ARHGEF3: variants seen among roughly 807,000 people sequenced by gnomAD.
ARHGEF3 encodes 59.8 kDA protein.
A neutral mutation model predicts 63.2 loss-of-function variants in ARHGEF3; 28 were observed. That is an observed-to-expected ratio of 0.44 (90% CI 0.33 to 0.61). The LOEUF is 0.61. Among genes scored for constraint, ARHGEF3 ranks in the 20% least tolerant of loss-of-function variants. The pLI is 0.03. For missense variants in ARHGEF3, 533 were observed against 659.3 expected (o/e 0.81, Z 2.10); for synonymous variants, 266 against 254.2 (o/e 1.05, Z -0.44).
rs1377763521 is a variant in ARHGEF3, at chr3:56,967,403, TATATTATATATTATAC to T, written c.63-8530_63-8515del. ...ATTATACATATTATATATTATATAA[TATATTATATATTATAC>T]ATATTATATATTATATAATATATTA... is the stretch of plus-strand genomic sequence containing the variant. On this transcript the variant is annotated intron_variant, in intron 2 of 12. Coordinates refer to the ARHGEF3 transcript ENST00000338458. 4.9e-4 allele frequency among the ~76,000 whole-genome samples: 40 copies of T among 81,776 alleles called. 4 individuals carry two copies. Among genetic ancestry groups the T allele is most frequent in the Non-Finnish European group, 7.4e-4 (34 of 46,094 alleles). The allele number at this position is 81,776 out of a possible 152,430, so 53.6% of individuals were successfully genotyped here.
rs988286885 is a variant in ARHGEF3, at chr3:56,739,398, T to C, written c.871-2043A>G. ...AGGATTGTTAAGTAATTATTTTCCT[T>C]TTTTTTTTTTTTTTTCAGTTGAGAC... On this transcript the variant is annotated intron_variant, in intron 7 of 9. Coordinates refer to ENST00000296315, the MANE Select transcript of ARHGEF3 (RefSeq NM_019555.3). Among the ~76,000 whole-genome samples the C allele has an allele frequency of 3.7e-3, 102 of 27,412 alleles. 3 individuals carry two copies. The East Asian group carries it at 0.065, about 18-fold the overall frequency. The allele number at this position is 27,412 out of a possible 152,430, so 18.0% of individuals were successfully genotyped here.
chr3:56,853,816 A>C (rs1357322100), intron 4 of ARHGEF3, among the ~76,000 whole-genome samples: 1 of 152,192 alleles, frequency 6.6e-6, no homozygotes, highest in Non-Finnish European at 1.5e-5. Flanking sequence ...CTTACACGCC[A>C]AGTAAGAACA....
intron 3 of ARHGEF3, among the ~76,000 whole-genome samples, chr3:56,888,055 G>GA (rs147914109): frequency 0.044 from 6,612 of 149,566 alleles, 487 homozygotes; most frequent in African/African-American, 0.15. Flanking sequence ...TCTCCTTGGA[G>GA]AAAAAACCTG....
chr3:56,729,946 G>A lies in ARHGEF3; in HGVS notation c.1229-324C>T, dbSNP rs187789491. 5.6e-3 allele frequency among the ~76,000 whole-genome samples: 858 copies of A among 152,302 alleles called. 4 individuals are homozygous for A. The highest frequency in any genetic ancestry group is 0.017 in the Middle Eastern group (5 of 294). ...TCTGGCTGCATAACAAAATCCCTTG[G>A]GGTGAGAGCTTGTTAAAAAGACAGA... is the stretch of plus-strand genomic sequence containing the variant. On this transcript the variant is annotated intron_variant, in intron 9 of 9. Coordinates refer to ENST00000296315, the MANE Select transcript of ARHGEF3 (RefSeq NM_019555.3).
chr3:56,972,046 T>C (rs1469919863), intron 2 of ARHGEF3, among the ~76,000 whole-genome samples: 1 of 152,016 alleles, frequency 6.6e-6, no homozygotes. Context: ...ATCTATTTCC[T>C]TATTTCAAGT....
intron 2 of ARHGEF3, among the ~76,000 whole-genome samples, chr3:57,031,737 AG>A (rs1703743780): frequency 6.6e-6 from 1 of 151,826 alleles, no homozygotes; most frequent in South Asian, 2.1e-4. Context: ...TGGGAGGCTG[AG>A]GTGGATGGAT....
chr3:57,040,126 T>C (rs1282587443), intron 1 of ARHGEF3, among the ~76,000 whole-genome samples: 11 of 152,172 alleles, frequency 7.2e-5, no homozygotes, highest in Admixed American at 7.2e-4. Context: ...CAGAAAACAA[T>C]GCTGAGCTAA....
intron 1 of ARHGEF3, among the ~76,000 whole-genome samples, chr3:57,053,051 A>G (rs1053827159): frequency 1.3e-5 from 2 of 152,096 alleles, no homozygotes; most frequent in African/African-American, 2.4e-5. Context: ...CCTACCCACC[A>G]CCACCATTTA....
At chr3:57,057,658 A>G (rs1177710896) in intron 1 of ARHGEF3, among the ~76,000 whole-genome samples, 2 of 152,186 alleles carry the variant, frequency 1.3e-5, no homozygotes. Context: ...AAGTTTAAAT[A>G]CAAACGGAGA....
chr3:57,055,668 A>G (rs17057663), intron 1 of ARHGEF3, among the ~76,000 whole-genome samples: 8,234 of 152,226 alleles, frequency 0.054, 743 homozygotes, highest in African/African-American at 0.19. Flanking sequence ...CTATGACCAC[A>G]AACCAGGCAC....
intron 4 of ARHGEF3, among the ~76,000 whole-genome samples, chr3:56,857,257 C>T (rs1185695283): frequency 1.3e-5 from 2 of 152,202 alleles, no homozygotes; most frequent in African/African-American, 4.8e-5. Context: ...ATTTCCCTTT[C>T]TCCCTCTTTA....
chr3:56,845,416 C>G (rs2039455835), intron 4 of ARHGEF3, among the ~76,000 whole-genome samples: 1 of 152,038 alleles, frequency 6.6e-6, no homozygotes, highest in African/African-American at 2.4e-5. Flanking sequence ...TCATATACAG[C>G]CTGGTCTCAC....
intron 3 of ARHGEF3, among the ~76,000 whole-genome samples, chr3:56,931,573 CTCAAA>C (rs1560060736): frequency 5.7e-5 from 2 of 34,952 alleles, no homozygotes; most frequent in African/African-American, 2.6e-4. Context: ...GAGATCCTGT[CTCAAA>C]AAAAAAAAAA....
chr3:56,763,744 T>G (rs1447696128), intron 2 of ARHGEF3, among the ~76,000 whole-genome samples: 2 of 152,068 alleles, frequency 1.3e-5, no homozygotes, highest in African/African-American at 2.4e-5. Flanking sequence ...TGATTTTATT[T>G]TATTTTTTTT....
intron 2 of ARHGEF3, among the ~76,000 whole-genome samples, chr3:57,017,099 C>T (rs1266186706): frequency 6.6e-6 from 1 of 151,684 alleles, no homozygotes; most frequent in Non-Finnish European, 1.5e-5. Context: ...CACACAATGT[C>T]ACCACTAAAG....
intron 2 of ARHGEF3, among the ~76,000 whole-genome samples, chr3:57,010,455 C>CAAAAAA (rs35833729): frequency 2.0e-5 from 1 of 50,980 alleles, no homozygotes; most frequent in African/African-American, 6.8e-5. Flanking sequence ...GACTCCATCT[C>CAAAAAA]AAAAAAAAAA....
chr3:56,916,348 C>A, intron 3 of ARHGEF3: 1 of 1,535,396 alleles, frequency 6.5e-7, no homozygotes, highest in East Asian at 2.4e-5. Context: ...CCATGGGGCG[C>A]TCTGACCTCA....
intron 2 of ARHGEF3, among the ~76,000 whole-genome samples, chr3:56,757,004 C>G (rs1161054236): frequency 6.6e-6 from 1 of 152,204 alleles, no homozygotes; most frequent in Non-Finnish European, 1.5e-5. Context: ...TATTGGTCAC[C>G]TGCTCTTAAC....
At chr3:57,030,636 T>C (rs915046964) in intron 2 of ARHGEF3, among the ~76,000 whole-genome samples, 5 of 152,194 alleles carry the variant, frequency 3.3e-5, no homozygotes, top group Non-Finnish European at 5.9e-5. Flanking sequence ...CCCCTCAAAA[T>C]TCTCTCCTTT....
Sources: allele counts gnomAD v4.1 joint callset (sites outside exome capture counted in the v4.1 genomes callset), GRCh38; gene constraint gnomAD v4.1.1; transcripts MANE v1.5; gene names NCBI Gene and HGNC (gene_info 2026-07-23, HGNC 2026-07-21).